AAGAB: variants seen among roughly 807,000 people sequenced by gnomAD.
AAGAB encodes alpha- and gamma-adaptin-binding protein p34.
AAGAB carries 38 observed loss-of-function variants against 44.1 expected under a neutral mutation model. The ratio of observed to expected loss-of-function variants is 0.86; its 90% CI spans 0.67 to 1.13. AAGAB has a LOEUF of 1.13. Among genes scored for constraint, AAGAB ranks in the 50% most tolerant of loss-of-function variants. The pLI is 0.00. For missense variants in AAGAB, 450 were observed against 373.8 expected (o/e 1.20, Z -1.68); for synonymous variants, 131 against 131.8 (o/e 0.99, Z 0.04).
intron 7 of AAGAB, among the ~76,000 whole-genome samples, chr15:67,204,677 G>T (rs1240870458): frequency 6.6e-6 from 1 of 152,034 alleles, no homozygotes; most frequent in Non-Finnish European, 1.5e-5. Flanking sequence ...TAAAATTACA[G>T]CTATTCAGAG....
chr15:67,254,818 G>A, upstream of AAGAB: 1 of 1,487,208 alleles, frequency 6.7e-7, no homozygotes, highest in Non-Finnish European at 9.2e-7. Context: ...GTGTTGCCAT[G>A]GGGACGAGCG....
chr15:67,235,081 T>C (rs1306948990), intron 4 of AAGAB, among the ~76,000 whole-genome samples: 1 of 152,218 alleles, frequency 6.6e-6, no homozygotes, highest in Admixed American at 6.5e-5. Flanking sequence ...CTGCCCAGAA[T>C]GTCTTTTGGA....
intron 9 of AAGAB, among the ~76,000 whole-genome samples, 189 bp from the exon 10 acceptor site, chr15:67,203,087 A>G (rs937350980): frequency 1.3e-5 from 2 of 152,230 alleles, no homozygotes; most frequent in African/African-American, 4.8e-5. Context: ...TACCAAGGAT[A>G]TATTTAGAGT....
intron 5 of AAGAB, among the ~76,000 whole-genome samples, chr15:67,217,418 T>G (rs552134494): frequency 6.6e-6 from 1 of 152,204 alleles, no homozygotes; most frequent in Non-Finnish European, 1.5e-5. Flanking sequence ...AACATTAGAG[T>G]CAAATTTGTA....
chr15:67,206,257 C>G (rs935519873), intron 7 of AAGAB, among the ~76,000 whole-genome samples: 1 of 152,150 alleles, frequency 6.6e-6, no homozygotes, highest in Admixed American at 6.5e-5. Flanking sequence ...GTGAGATTAC[C>G]TTCTCACTGC....
At chr15:67,253,292 G>C (rs527945288) in intron 1 of AAGAB, among the ~76,000 whole-genome samples, 14 of 150,668 alleles carry the variant, frequency 9.3e-5, no homozygotes, top group South Asian at 2.1e-4. Context: ...GCCGGGCGTG[G>C]TGGCACACAC....
intron 5 of AAGAB, among the ~76,000 whole-genome samples, chr15:67,224,585 CTTT>C (rs892410820): frequency 3.6e-5 from 5 of 138,814 alleles, no homozygotes; most frequent in Admixed American, 7.3e-5. Context: ...TTTTTCTTTT[CTTT>C]TTTTTTTTTT....
At chr15:67,251,691 T>C (rs1333075098) in intron 1 of AAGAB, among the ~76,000 whole-genome samples, 1 of 152,226 alleles carries the variant, frequency 6.6e-6, no homozygotes, top group Non-Finnish European at 1.5e-5. Context: ...ATACATGAAG[T>C]AGAACCAAAC....
chr15:67,241,359 C>T (rs1020295026), intron 1 of AAGAB, among the ~76,000 whole-genome samples: 3 of 152,158 alleles, frequency 2.0e-5, no homozygotes, highest in Admixed American at 6.5e-5. Flanking sequence ...ATGATCCTTC[C>T]GGAAACCAGC....
intron 5 of AAGAB, among the ~76,000 whole-genome samples, chr15:67,218,192 C>T (rs1168823764): frequency 6.6e-6 from 1 of 152,174 alleles, no homozygotes; most frequent in African/African-American, 2.4e-5. Context: ...ATCCCTCTTT[C>T]ACTAATTAAA....
At chr15:67,209,335 A>C (rs1281607332) in intron 6 of AAGAB, 127 bp downstream of exon 6, 6 of 849,642 alleles carry the variant, frequency 7.1e-6, no homozygotes, top group Non-Finnish European at 1.2e-5. Context: ...CCTTCCTTTC[A>C]TCTATTTTTA....
chr15:67,240,850 C>T (rs1397145531), intron 1 of AAGAB, among the ~76,000 whole-genome samples: 1 of 152,072 alleles, frequency 6.6e-6, no homozygotes, highest in Non-Finnish European at 1.5e-5. Context: ...TCTACTGTTC[C>T]CTGCATATCC....
At chr15:67,246,108 C>T (rs1437299389) in intron 1 of AAGAB, among the ~76,000 whole-genome samples, 5 of 152,124 alleles carry the variant, frequency 3.3e-5, no homozygotes, top group Middle Eastern at 3.2e-3. Context: ...AGGCCAGGTG[C>T]GCTGGCTCAC....
intron 9 of AAGAB, among the ~76,000 whole-genome samples, chr15:67,203,249 T>G (rs1190117393): frequency 6.6e-6 from 1 of 152,214 alleles, no homozygotes; most frequent in Admixed American, 6.5e-5. Flanking sequence ...GCCAATAGCA[T>G]GTGTTGTGTT....
Position 67,235,983 on chromosome 15 carries a change from C to T in AAGAB, c.447G>A (p.Glu149=), listed in dbSNP as rs1163374116. ...TCCTAACACATAAACACTTACCATCCTCCTCAGGCAACTCCTCTGGACTAA... is the reference window on the plus strand; with the variant it reads ...TCCTAACACATAAACACTTACCATCTTCCTCAGGCAACTCCTCTGGACTAA... ...VELSPEELPE[E]DDDFPESTGV... is the part of the protein sequence containing the mutation. Residue 149 remains glutamate, a synonymous_variant, in exon 4 of 10, where the codon GAG becomes GAA. Transcript: ENST00000261880. 2 of 1,603,780 alleles carry T rather than the reference C, an allele frequency of 1.2e-6. No individual in the cohort carries two copies. Among genetic ancestry groups the T allele is most frequent in the East Asian group, 2.2e-5 (1 of 44,632 alleles).
intron 5 of AAGAB, among the ~76,000 whole-genome samples, chr15:67,219,288 T>C (rs903583705): frequency 2.0e-5 from 3 of 152,214 alleles, no homozygotes; most frequent in Non-Finnish European, 2.9e-5. Context: ...TTGTGCCTTA[T>C]AGATAAAAAG....
rs201942506 is a variant in AAGAB at position 67,254,638 on chromosome 15, G to T, written c.-7C>A. ...AGGGTACGCCAGCAGCCATAGCTGC[G>T]CTCGCGAGCCGGTTCCGTCAGGCAG... On this transcript the variant is annotated 5_prime_UTR_variant, in exon 1 of 10. Transcript: ENST00000261880. The T allele has an allele frequency of 1.3e-6, 2 of 1,585,320 alleles. No individual in the cohort carries two copies. Among genetic ancestry groups the T allele is most frequent in the South Asian group, 2.3e-5 (2 of 87,884 alleles).
chr15:67,231,165 A>C (rs1002857250), intron 5 of AAGAB, among the ~76,000 whole-genome samples: 1 of 152,004 alleles, frequency 6.6e-6, no homozygotes, highest in Non-Finnish European at 1.5e-5. Flanking sequence ...TCAGTTTCCC[A>C]AGTAGCAGGG....
In AAGAB at chr15:67,251,332, C is replaced by A. The variant is rs530816920; in HGVS notation, c.73+3227G>T. Reference sequence around the variant, plus strand: ...CATCACAACTCACTACAGCCTCGATCTCCCAGGCTCAAGCAATCCTCCCAC... The same window carrying A: ...CATCACAACTCACTACAGCCTCGATATCCCAGGCTCAAGCAATCCTCCCAC... On this transcript the variant is annotated intron_variant, in intron 1 of 9. Transcript: ENST00000261880. Among the ~76,000 whole-genome samples the A allele has an allele frequency of 8.5e-5, 13 of 152,250 alleles. No individual in the cohort carries two copies. The East Asian group carries it at 1.2e-3, about 14-fold the overall frequency.
Sources: allele counts gnomAD v4.1 joint callset (sites outside exome capture counted in the v4.1 genomes callset), GRCh38; gene constraint gnomAD v4.1.1; transcripts MANE v1.5; gene names NCBI Gene and HGNC (gene_info 2026-07-23, HGNC 2026-07-21).